LIPC: variants seen among roughly 807,000 people sequenced by gnomAD.
LIPC encodes hepatic triacylglycerol lipase.
Under a neutral mutation model 50.7 loss-of-function variants are expected in LIPC, and 44 were observed. The observed-to-expected ratio is 0.87, with a 90% confidence interval of 0.68 to 1.11. The LOEUF (loss-of-function observed/expected upper bound fraction) is 1.11, where lower values mean the gene tolerates loss of function less well. LIPC is among the 50% of genes most tolerant of loss of function. The probability of loss-of-function intolerance (pLI) is 0.00; values close to 1 mark genes in which losing one functional copy is unlikely to be tolerated. For missense variants in LIPC, 697 were observed against 648.2 expected (o/e 1.08, Z -0.82); for synonymous variants, 271 against 256.4 (o/e 1.06, Z -0.54).
chr15:58,535,543 C>T (rs755641749), intron 1 of LIPC, among the ~76,000 whole-genome samples: 4 of 152,172 alleles, frequency 2.6e-5, no homozygotes, highest in East Asian at 1.9e-4. Context: ...TGGGCTGGAG[C>T]GTATCTCACA....
chr15:58,469,113 T>TGTGTGTGTGA (rs1314075495), intron 1 of LIPC, among the ~76,000 whole-genome samples: 1 of 145,572 alleles, frequency 6.9e-6, no homozygotes, highest in Non-Finnish European at 1.5e-5. Flanking sequence ...TGTGTGTGTG[T>TGTGTGTGTGA]GTGTGTGTGT....
In LIPC at chr15:58,567,345, GTATATATATATATGTA is replaced by G. The variant is rs1566955237; in HGVS notation, c.1389-1367_1389-1352del. Among the ~76,000 whole-genome samples, 3 of 18,826 alleles carry G rather than the reference GTATATATATATATGTA, an allele frequency of 1.6e-4. No homozygotes were observed. In the Admixed American group the frequency reaches 1.6e-3, roughly 10 times the overall value. 12.4% of individuals were successfully genotyped at this position (18,826 alleles called of 152,430 possible). On this transcript the variant is annotated intron_variant, in intron 8 of 8. Transcript: ENST00000299022. ...TGTGTATATATATATATATGTATAT[GTATATATATATATGTA>G]TATGTATATATATATATAGTGAACA...
intron 1 of LIPC, among the ~76,000 whole-genome samples, chr15:58,473,247 G>A (rs368927435): frequency 6.6e-6 from 1 of 152,178 alleles, no homozygotes; most frequent in Non-Finnish European, 1.5e-5. Flanking sequence ...AGGGAAAATT[G>A]CTGAGAAGTC....
At chr15:58,484,027 G>A (rs1305109955) in intron 1 of LIPC, among the ~76,000 whole-genome samples, 3 of 152,120 alleles carry the variant, frequency 2.0e-5, no homozygotes, top group African/African-American at 4.8e-5. Context: ...AATTTGGGGT[G>A]AATCTACCAA....
chr15:58,549,076 G>C (rs1015000516), intron 6 of LIPC, among the ~76,000 whole-genome samples: 1 of 152,214 alleles, frequency 6.6e-6, no homozygotes, highest in African/African-American at 2.4e-5. Flanking sequence ...ACAAGATTCA[G>C]CTTCCAGTGT....
At chr15:58,506,674 A>C (rs1892158915) in intron 1 of LIPC, among the ~76,000 whole-genome samples, 1 of 152,228 alleles carries the variant, frequency 6.6e-6, no homozygotes, top group Non-Finnish European at 1.5e-5. Context: ...CCCTGAAGAC[A>C]CAGGCTCAAA....
chr15:58,508,254 G>A (rs780176572), intron 1 of LIPC, among the ~76,000 whole-genome samples: 6 of 152,112 alleles, frequency 3.9e-5, no homozygotes, highest in Admixed American at 3.3e-4. Flanking sequence ...GGGGTAGGGA[G>A]TGAAGATCAG....
At chr15:58,451,049 G>A (rs1893881600) in intron 1 of LIPC, among the ~76,000 whole-genome samples, 1 of 152,152 alleles carries the variant, frequency 6.6e-6, no homozygotes, top group African/African-American at 2.4e-5. Context: ...GAAGAATCAT[G>A]GTTTACTGAA....
At chr15:58,464,991 G>A (rs756232108) in intron 1 of LIPC, among the ~76,000 whole-genome samples, 2 of 152,048 alleles carry the variant, frequency 1.3e-5, no homozygotes, top group African/African-American at 4.8e-5. Flanking sequence ...GGAGCGAGGG[G>A]GGAGCCCACC....
intron 1 of LIPC, among the ~76,000 whole-genome samples, chr15:58,467,793 C>A (rs546153849): frequency 6.6e-6 from 1 of 152,288 alleles, no homozygotes; most frequent in East Asian, 1.9e-4. Flanking sequence ...GTATCCCTTA[C>A]ATCAAATCCT....
chr15:58,484,150 C>T (rs1292839790), intron 1 of LIPC, among the ~76,000 whole-genome samples: 1 of 149,724 alleles, frequency 6.7e-6, no homozygotes, highest in Non-Finnish European at 1.5e-5. Flanking sequence ...GTCAAGCATG[C>T]AGGCCTGTCT....
intron 4 of LIPC, among the ~76,000 whole-genome samples, chr15:58,544,233 A>G (rs1307443888): frequency 2.6e-5 from 4 of 151,904 alleles, no homozygotes; most frequent in Non-Finnish European, 4.4e-5. Context: ...AAGGCCCAGA[A>G]CCCTCTCCAT....
chr15:58,559,301 G>C (rs773261413), intron 6 of LIPC, among the ~76,000 whole-genome samples: 1 of 152,214 alleles, frequency 6.6e-6, no homozygotes, highest in Non-Finnish European at 1.5e-5. Context: ...ATTGTGATAC[G>C]TCACCCCCAA....
At chr15:58,489,795 G>A (rs1891521732) in intron 1 of LIPC, among the ~76,000 whole-genome samples, 1 of 152,130 alleles carries the variant, frequency 6.6e-6, no homozygotes, top group African/African-American at 2.4e-5. Flanking sequence ...CACTGGTTTT[G>A]CAAAAGTGGT....
At chr15:58,560,617 G>T (rs1352412075) in intron 6 of LIPC, among the ~76,000 whole-genome samples, 2 of 152,066 alleles carry the variant, frequency 1.3e-5, no homozygotes, top group Non-Finnish European at 2.9e-5. Flanking sequence ...GCCATCTTTT[G>T]TTGGTGAATA....
At chr15:58,565,795 C>T in intron 8 of LIPC, 1 of 985,646 alleles carries the variant, frequency 1.0e-6, no homozygotes, top group Non-Finnish European at 1.2e-6. Flanking sequence ...GCATCAAACC[C>T]ATCCTTAGGG....
At chr15:58,479,827 G>A (rs1272323030) in intron 1 of LIPC, among the ~76,000 whole-genome samples, 1 of 152,120 alleles carries the variant, frequency 6.6e-6, no homozygotes, top group African/African-American at 2.4e-5. Flanking sequence ...GTTGGTGAGG[G>A]AAAGGACAAA....
intron 1 of LIPC, among the ~76,000 whole-genome samples, chr15:58,453,188 A>C (rs1187326048): frequency 6.6e-6 from 1 of 152,138 alleles, no homozygotes; most frequent in African/African-American, 2.4e-5. Context: ...TCCTCTCTTC[A>C]GATGGCTAAA....
At chr15:58,520,925 G>A (rs185643726) in intron 1 of LIPC, among the ~76,000 whole-genome samples, 479 of 152,326 alleles carry the variant, frequency 3.1e-3, no homozygotes, top group Non-Finnish European at 5.6e-3. Flanking sequence ...TTCTAGAAAA[G>A]GAAGGGAGGA....
Sources: gnomAD v4.1 joint callset for allele counts (sites outside exome capture counted in the v4.1 genomes callset) on GRCh38, gnomAD v4.1.1 for gene constraint, MANE v1.5 for transcripts, NCBI Gene and HGNC (gene_info 2026-07-23, HGNC 2026-07-21) for gene names.